Variants in CDH2 observed in about 807,000 individuals in gnomAD.
The protein encoded by CDH2 is cadherin-2.
CDH2 carries 17 observed loss-of-function variants against 92.0 expected under a neutral mutation model. The ratio of observed to expected loss-of-function variants is 0.18; its 90% CI spans 0.13 to 0.28. The LOEUF (loss-of-function observed/expected upper bound fraction) is 0.28. Ranked by LOEUF, CDH2 falls within the 10% of genes least tolerant of loss-of-function variation. CDH2 has a pLI of 1.00. For synonymous variants in CDH2, 419 were observed against 415.9 expected, an observed-to-expected ratio of 1.01 and a Z score of -0.09; for missense variants, 862 against 1,133.1, an observed-to-expected ratio of 0.76 and a Z score of 3.44.
At chr18:28,050,494 T>C (rs1051557115) in intron 2 of CDH2, among the ~76,000 whole-genome samples, 2 of 152,200 alleles carry the variant, frequency 1.3e-5, no homozygotes, top group East Asian at 1.9e-4. Context: ...ATTATCCTCC[T>C]TTCCTGATGA....
rs1222455905 is a variant in CDH2, at chr18:28,176,946, C to T, written c.60+17G>A. 4 of 1,300,660 alleles carry T rather than the reference C, an allele frequency of 3.1e-6. No individual in the cohort carries two copies. The highest frequency in any genetic ancestry group is 2.2e-5 in the South Asian group (1 of 45,602). 80.6% of individuals were successfully genotyped at this position (1,300,660 alleles called of 1,614,324 possible). On this transcript the variant is annotated intron_variant, in intron 1 of 15. Coordinates refer to ENST00000269141, the MANE Select transcript of CDH2 (RefSeq NM_001792.5). ...CCCACCCCGCCCGTGGCCCGGCCCG[C>T]GGGGACCGCCGCGTACCTGAAGCAG...
chr18:28,128,012 C>T (rs2015705849), intron 2 of CDH2, among the ~76,000 whole-genome samples: 1 of 152,086 alleles, frequency 6.6e-6, no homozygotes, highest in Non-Finnish European at 1.5e-5. Flanking sequence ...ACAGATGATC[C>T]ATTGATCATG....
At chr18:28,007,193 T>TATATATATATATAC (rs778626652) in intron 5 of CDH2, among the ~76,000 whole-genome samples, 6 of 142,184 alleles carry the variant, frequency 4.2e-5, no homozygotes, top group Non-Finnish European at 6.0e-5. Context: ...TATATATATA[T>TATATATATATATAC]ACGAGTATAT....
rs146668864 is a variant in CDH2, at chr18:28,003,092, C to T, written c.925G>A (p.Val309Met). ...ALNGMLRYRI[V>M]SQAPSTPSPN... ...GAAGGGGTGCTTGGAGCCTGAGACA[C>T]GATTCTGTACCTCAACATCCCATTG... is the stretch of plus-strand genomic sequence containing the variant. Residue 309 changes from valine (V) to methionine (M), a missense_variant, in exon 7 of 16, where the codon GTG (valine) becomes ATG (methionine). This residue lies in a region of CDH2 where 564 missense variants were observed against 722.2 expected (regional missense o/e 0.78). Transcript: ENST00000269141. 57 of 1,613,904 alleles carry T rather than the reference C, an allele frequency of 3.5e-5. No homozygotes were observed. In the African/African-American group the frequency reaches 4.4e-4, roughly 12 times the overall value.
Position 27,994,169 on chromosome 18 carries a change from A to G in CDH2, c.1021-532T>C, listed in dbSNP as rs534541229. Among the ~76,000 whole-genome samples the G allele has an allele frequency of 1.6e-4, 25 of 152,340 alleles. No individual in the cohort carries two copies. In the East Asian group the frequency reaches 4.8e-3, roughly 29 times the overall value. On this transcript the variant is annotated intron_variant, in intron 7 of 15. Transcript: ENST00000269141. ...CCCTTAAATTCTATTGATACATATG[A>G]TTCAAAACCATATAGAAGAGATATA...
intron 2 of CDH2, among the ~76,000 whole-genome samples, chr18:28,115,809 C>T (rs2015487887): frequency 6.6e-6 from 1 of 152,046 alleles, no homozygotes; most frequent in Non-Finnish European, 1.5e-5. Context: ...TCATCTCATG[C>T]TGTTCTGAAT....
intron 6 of CDH2, among the ~76,000 whole-genome samples, chr18:28,003,655 A>G (rs914093428): frequency 3.3e-5 from 5 of 152,200 alleles, no homozygotes; most frequent in Non-Finnish European, 7.3e-5. Context: ...AGAAAGCAGC[A>G]CACTCCATTT....
At chr18:28,064,592 G>A (rs1002066458) in intron 2 of CDH2, among the ~76,000 whole-genome samples, 3 of 151,850 alleles carry the variant, frequency 2.0e-5, no homozygotes, top group Admixed American at 2.0e-4. Flanking sequence ...CAGAATGATG[G>A]GGATGAATGG....
At chr18:28,094,816 T>C (rs1422759472) in intron 2 of CDH2, among the ~76,000 whole-genome samples, 1 of 74,468 alleles carries the variant, frequency 1.3e-5, no homozygotes, top group Admixed American at 1.3e-4. Flanking sequence ...AAAAAAAAAA[T>C]TACTGCTATA....
At chr18:28,168,758 C>T (rs2016421730) in intron 1 of CDH2, 1 of 153,092 alleles carries the variant, frequency 6.5e-6, no homozygotes, top group Non-Finnish European at 1.4e-5. Flanking sequence ...CAAAAGAAAG[C>T]AAAATATTTA....
At chr18:27,957,066 A>G (rs2011264843) in intron 15 of CDH2, among the ~76,000 whole-genome samples, 1 of 151,720 alleles carries the variant, frequency 6.6e-6, no homozygotes, top group Admixed American at 6.6e-5. Flanking sequence ...GTGCACTTCT[A>G]TGTTGTTTAT....
intron 2 of CDH2, among the ~76,000 whole-genome samples, chr18:28,071,843 C>A (rs921050778): frequency 6.6e-6 from 1 of 152,040 alleles, no homozygotes; most frequent in Non-Finnish European, 1.5e-5. Context: ...ACACTATTAA[C>A]CCTAAAGGTA....
chr18:28,131,120 T>A (rs2015761909), intron 2 of CDH2, among the ~76,000 whole-genome samples: 1 of 152,108 alleles, frequency 6.6e-6, no homozygotes, highest in Non-Finnish European at 1.5e-5. Context: ...TAAAATAACT[T>A]ACACCAAAAA....
At chr18:28,093,739 T>C (rs902616827) in intron 2 of CDH2, among the ~76,000 whole-genome samples, 4 of 152,246 alleles carry the variant, frequency 2.6e-5, no homozygotes, top group Admixed American at 2.6e-4. Flanking sequence ...TTATACATTA[T>C]ACTGAAAAAC....
rs9960677 is a variant in CDH2 at position 28,110,578 on chromosome 18, C to T, written c.172+37095G>A. ...TCTGCAAGCTACTGGGCCAATCTACCTAAGCAATAGCAGGAGTCATGAGAA... is the reference window on the plus strand; with the variant it reads ...TCTGCAAGCTACTGGGCCAATCTACTTAAGCAATAGCAGGAGTCATGAGAA... On this transcript the variant is annotated intron_variant, in intron 2 of 15. Coordinates refer to ENST00000269141, the MANE Select transcript of CDH2 (RefSeq NM_001792.5). Among the ~76,000 whole-genome samples the T allele has an allele frequency of 8.5e-3, 1,288 of 152,212 alleles. 11 individuals are homozygous for T. Among genetic ancestry groups the T allele is most frequent in the African/African-American group, 0.028 (1,164 of 41,530 alleles).
chr18:28,118,432 AT>A (rs1470900798), intron 2 of CDH2, among the ~76,000 whole-genome samples: 2 of 152,126 alleles, frequency 1.3e-5, no homozygotes, highest in Non-Finnish European at 2.9e-5. Context: ...TAATCAACCT[AT>A]TTTCAAAGAA....
At chr18:28,041,050 G>A (rs1206756790) in intron 2 of CDH2, among the ~76,000 whole-genome samples, 1 of 152,154 alleles carries the variant, frequency 6.6e-6, no homozygotes, top group East Asian at 1.9e-4. Flanking sequence ...TCCTGGTATG[G>A]TTCTTCAAAA....
At chr18:28,056,329 CTTTCTG>C (rs1334535175) in intron 2 of CDH2, among the ~76,000 whole-genome samples, 1 of 152,056 alleles carries the variant, frequency 6.6e-6, no homozygotes, top group Non-Finnish European at 1.5e-5. Context: ...GAACTTGGTC[CTTTCTG>C]TCAAAACAAA....
rs545428754 is a variant in CDH2 at position 27,937,412 on chromosome 18, G to C, written c.1152-4288C>G. On this transcript the variant is annotated intron_variant, in intron 6 of 6. Transcript: ENST00000675173. ...CCTTAGTTTACTCACCGGTAAGACAGGTTGAGGTTTGGATCATATTAGATA... is the reference window on the plus strand; with the variant it reads ...CCTTAGTTTACTCACCGGTAAGACACGTTGAGGTTTGGATCATATTAGATA... Among the ~76,000 whole-genome samples, 12 of 152,250 alleles carry C rather than the reference G, an allele frequency of 7.9e-5. No individual in the cohort carries two copies. The South Asian group carries it at 1.5e-3, about 18-fold the overall frequency.
Sources: allele counts gnomAD v4.1 joint callset (sites outside exome capture counted in the v4.1 genomes callset), GRCh38; gene constraint gnomAD v4.1.1; regional missense constraint gnomAD v4.1.1; transcripts MANE v1.5; gene names NCBI Gene and HGNC (gene_info 2026-07-23, HGNC 2026-07-21).